Variants in BRAP observed in about 807,000 individuals in gnomAD.
BRAP encodes the protein BRCA1-associated protein.
A neutral mutation model predicts 73.4 loss-of-function variants in BRAP; 42 were observed. The ratio of observed to expected loss-of-function variants is 0.57; its 90% CI spans 0.45 to 0.74. The LOEUF is 0.74. BRAP is among the 30% of genes least tolerant of loss of function. The pLI, the probability that BRAP is intolerant of heterozygous loss-of-function variation, is 0.00. For synonymous variants in BRAP, 255 were observed against 267.4 expected (o/e 0.95, Z 0.45); for missense variants, 593 against 751.4 (o/e 0.79, Z 2.46).
chr12:111,680,885 G>C (rs543541546), intron 3 of BRAP, among the ~76,000 whole-genome samples: 1 of 152,060 alleles, frequency 6.6e-6, no homozygotes, highest in Non-Finnish European at 1.5e-5. Context: ...TCCTTTCCTT[G>C]GGGCTCTAGC....
intron 5 of BRAP, chr12:111,670,077 G>A: frequency 1.6e-6 from 1 of 627,208 alleles, no homozygotes; most frequent in Non-Finnish European, 3.1e-6. Flanking sequence ...AGTGCTTGGA[G>A]CAAGAGTTGG....
chr12:111,647,685 C>T (rs960193307), intron 11 of BRAP, among the ~76,000 whole-genome samples: 4 of 152,034 alleles, frequency 2.6e-5, no homozygotes, highest in Admixed American at 1.3e-4. Flanking sequence ...CACCTGAGGT[C>T]GGGAGTTTGA....
intron 9 of BRAP, among the ~76,000 whole-genome samples, chr12:111,657,611 G>A (rs1430318077): frequency 1.3e-5 from 2 of 152,104 alleles, no homozygotes; most frequent in African/African-American, 4.8e-5. Context: ...CGGGTACGGT[G>A]GCTCATGCCT....
chr12:111,683,666 G>C (rs549122911), intron 1 of BRAP, among the ~76,000 whole-genome samples: 3 of 152,044 alleles, frequency 2.0e-5, no homozygotes, highest in Non-Finnish European at 4.4e-5. Context: ...CCAGCCTCCC[G>C]AGTAGCTGGG....
chr12:111,648,637 A>C (rs1279453102), intron 11 of BRAP, among the ~76,000 whole-genome samples: 1 of 144,494 alleles, frequency 6.9e-6, no homozygotes, highest in East Asian at 2.1e-4. Context: ...CTGTCTAAAA[A>C]TAAAGATGGG....
chr12:111,642,801 G>C lies in BRAP; in HGVS notation c.*1398C>G, dbSNP rs935763053. On this transcript the variant is annotated 3_prime_UTR_variant, in exon 12 of 12. Transcript: ENST00000419234. ...GTACATTCATTTTGCAACATTACACGTAAAGTTTTTTGGGAAATGCTGCAG... is the reference window on the plus strand; with the variant it reads ...GTACATTCATTTTGCAACATTACACCTAAAGTTTTTTGGGAAATGCTGCAG... 1 of 152,044 alleles carries C rather than the reference G, an allele frequency of 6.6e-6. No individual in the cohort carries two copies. The highest frequency in any genetic ancestry group is 1.5e-5 in the Non-Finnish European group (1 of 68,016). 9.4% of individuals were successfully genotyped at this position (152,044 alleles called of 1,614,324 possible).
At chr12:111,648,647 G>A (rs1302971026) in intron 11 of BRAP, among the ~76,000 whole-genome samples, 1 of 145,742 alleles carries the variant, frequency 6.9e-6, no homozygotes, top group African/African-American at 2.6e-5. Flanking sequence ...ATAAAGATGG[G>A]CTGGGCACGG....
rs1452173282 is a variant in BRAP at position 111,644,836 on chromosome 12, AACCTCCACC to A, written c.1416-283_1416-275del. Among the ~76,000 whole-genome samples the A allele has an allele frequency of 2.0e-5, 3 of 152,172 alleles. No individual in the cohort carries two copies. In the East Asian group the frequency reaches 5.8e-4, roughly 29 times the overall value. On this transcript the variant is annotated intron_variant, in intron 11 of 11. Coordinates refer to ENST00000419234, the MANE Select transcript of BRAP (RefSeq NM_006768.5). Reference sequence around the variant, plus strand: ...CAATGGCACGATCTCAGCTCACTGCAACCTCCACCTCCTGGGTTCAAGCGATTCTCCTGC... The same window carrying A: ...CAATGGCACGATCTCAGCTCACTGCATCCTGGGTTCAAGCGATTCTCCTGC...
At chr12:111,651,342 A>T (rs892509856) in intron 10 of BRAP, among the ~76,000 whole-genome samples, 5 of 152,046 alleles carry the variant, frequency 3.3e-5, no homozygotes, top group Non-Finnish European at 7.4e-5. Flanking sequence ...GTTCAAGACC[A>T]GCCTGGCCAA....
chr12:111,655,503 A>AC (rs1886494697), intron 10 of BRAP, 63 bp downstream of exon 10: 3 of 1,326,526 alleles, frequency 2.3e-6, no homozygotes, highest in Non-Finnish European at 2.2e-6. Context: ...TGCCTTCCAC[A>AC]CCCCCCATCA....
chr12:111,663,492 C>T lies in BRAP; in HGVS notation c.896+2147G>A, dbSNP rs553884022. On this transcript the variant is annotated intron_variant, in intron 6 of 11. Transcript: ENST00000419234. Reference sequence around the variant, plus strand: ...ATAATAATTAACAGTTTATTAAATTCTTCCTGCCTTTCTCTGCAAAAAATT... The same window carrying T: ...ATAATAATTAACAGTTTATTAAATTTTTCCTGCCTTTCTCTGCAAAAAATT... Among the ~76,000 whole-genome samples the T allele has an allele frequency of 2.0e-5, 3 of 152,232 alleles. No homozygotes were observed. The East Asian group carries it at 5.8e-4, about 29-fold the overall frequency.
intron 11 of BRAP, among the ~76,000 whole-genome samples, chr12:111,648,656 G>C (rs367600442): frequency 6.6e-6 from 1 of 150,398 alleles, no homozygotes; most frequent in African/African-American, 2.5e-5. Flanking sequence ...GGCTGGGCAC[G>C]GTGGCTCACG....
At chr12:111,682,603 A>C (rs2135932275) in intron 2 of BRAP, among the ~76,000 whole-genome samples, 1 of 151,968 alleles carries the variant, frequency 6.6e-6, no homozygotes, top group South Asian at 2.1e-4. Context: ...CTGCCACTGA[A>C]CTAGGTGGTA....
At chr12:111,684,012 T>C (rs986626941) in intron 1 of BRAP, among the ~76,000 whole-genome samples, 1 of 152,118 alleles carries the variant, frequency 6.6e-6, no homozygotes, top group Admixed American at 6.6e-5. Flanking sequence ...CAAAAACTTG[T>C]AGGGGTAGTC....
Position 111,644,013 on chromosome 12 carries a change from A to T in BRAP, c.*186T>A. On this transcript the variant is annotated 3_prime_UTR_variant, in exon 12 of 12. Transcript: ENST00000419234. ...ACCTTTTCGAACGCAGCGCCTTTCTATCAGCTCTCCAGTCAGCACCCTTTA... is the reference window on the plus strand; with the variant it reads ...ACCTTTTCGAACGCAGCGCCTTTCTTTCAGCTCTCCAGTCAGCACCCTTTA... 1 of 940,588 alleles carries T rather than the reference A, an allele frequency of 1.1e-6. No homozygotes were observed. Among genetic ancestry groups the T allele is most frequent in the Non-Finnish European group, 1.5e-6 (1 of 655,386 alleles). The allele number at this position is 940,588 out of a possible 1,614,324, so 58.3% of individuals were successfully genotyped here.
chr12:111,680,129 G>T (rs1326895844), intron 3 of BRAP, among the ~76,000 whole-genome samples: 2 of 151,184 alleles, frequency 1.3e-5, no homozygotes, highest in South Asian at 2.1e-4. Flanking sequence ...GCTAATTTTT[G>T]TATTTTTAGT....
At position 111,643,971 on chromosome 12, in the gene BRAP, G is replaced by C; in HGVS notation, c.*228C>G. ...GGCAAAATGGTCATTAGAATGTGAG[G>C]TTAGTGAACTCTTAAGACCTTTTCG... On this transcript the variant is annotated 3_prime_UTR_variant, in exon 12 of 12. Transcript: ENST00000419234. The C allele has an allele frequency of 1.7e-6, 1 of 596,502 alleles. No individual in the cohort carries two copies. Among genetic ancestry groups the C allele is most frequent in the East Asian group, 3.0e-5 (1 of 32,876 alleles). 37.0% of individuals were successfully genotyped at this position (596,502 alleles called of 1,614,324 possible).
At chr12:111,669,604 A>T (rs1317074422) in intron 5 of BRAP, among the ~76,000 whole-genome samples, 1 of 152,178 alleles carries the variant, frequency 6.6e-6, no homozygotes, top group African/African-American at 2.4e-5. Flanking sequence ...CTGATTTATT[A>T]TCTGTAACCT....
At chr12:111,677,169 G>A (rs934961364) in intron 4 of BRAP, among the ~76,000 whole-genome samples, 1 of 152,196 alleles carries the variant, frequency 6.6e-6, no homozygotes, top group African/African-American at 2.4e-5. Context: ...ATAGGGAACT[G>A]TGTGGGTTTA....
Sources: allele counts gnomAD v4.1 joint callset (sites outside exome capture counted in the v4.1 genomes callset), GRCh38; gene constraint gnomAD v4.1.1; transcripts MANE v1.5; gene names NCBI Gene and HGNC (gene_info 2026-07-23, HGNC 2026-07-21).